The following LRIF1 variants were observed in gnomAD, a reference collection of about 807,000 sequenced individuals.
LRIF1 encodes ligand-dependent nuclear receptor-interacting factor 1.
In LRIF1, 32 loss-of-function variants were observed where a neutral mutation model predicts 52.7. The observed-to-expected ratio is 0.61, with a 90% CI of 0.46 to 0.82. The LOEUF (loss-of-function observed/expected upper bound fraction) is 0.82, where lower values mean the gene tolerates loss of function less well. Among genes scored for constraint, LRIF1 ranks in the 40% least tolerant of loss-of-function variants. The probability of loss-of-function intolerance (pLI) is 0.00; values close to 1 mark genes in which losing one functional copy is unlikely to be tolerated. For synonymous variants in LRIF1, 323 were observed against 317.4 expected (o/e 1.02, Z -0.19); for missense variants, 887 against 892.0 (o/e 0.99, Z 0.07).
chr1:110,952,964 A>G (rs1658546773), intron 1 of LRIF1, 149 bp from the exon 2 acceptor site: 1 of 352,458 alleles, frequency 2.8e-6, no homozygotes, highest in East Asian at 5.3e-5. Flanking sequence ...TGCAAAACAA[A>G]TATTTTGAAG....
intron 1 of LRIF1, among the ~76,000 whole-genome samples, chr1:110,954,606 T>C (rs959605027): frequency 2.0e-5 from 3 of 152,128 alleles, no homozygotes; most frequent in Non-Finnish European, 2.9e-5. Context: ...CTACCTTTAT[T>C]ACCTCCCTGC....
the LRIF1 span, among the ~76,000 whole-genome samples, chr1:110,918,998 G>A: frequency 6.6e-6 from 1 of 152,318 alleles, no homozygotes; most frequent in East Asian, 1.9e-4. Context: ...ACCTGAGTTA[G>A]ACATAGCTTA....
At chr1:110,879,346 G>T in the LRIF1 span, among the ~76,000 whole-genome samples, 4 of 152,112 alleles carry the variant, frequency 2.6e-5, no homozygotes, top group Non-Finnish European at 5.9e-5. Flanking sequence ...GTTGCCCAAG[G>T]TCACACTTCT....
At chr1:110,905,905 A>C in the LRIF1 span, among the ~76,000 whole-genome samples, 1 of 152,248 alleles carries the variant, frequency 6.6e-6, no homozygotes, top group Non-Finnish European at 1.5e-5. Flanking sequence ...AAGTTAAGGC[A>C]TAGAGGTTTT....
the LRIF1 span, among the ~76,000 whole-genome samples, chr1:110,928,186 T>C: frequency 1.3e-5 from 2 of 152,310 alleles, no homozygotes; most frequent in East Asian, 3.9e-4. Flanking sequence ...TGTCTAGATA[T>C]ACTGATATTA....
the LRIF1 span, among the ~76,000 whole-genome samples, chr1:110,926,851 C>T: frequency 7.2e-5 from 11 of 151,964 alleles, no homozygotes; most frequent in African/African-American, 2.2e-4. Context: ...AGGGTATCTG[C>T]GAAGATTTAT....
At chr1:110,882,050 T>C in the LRIF1 span, among the ~76,000 whole-genome samples, 1 of 152,230 alleles carries the variant, frequency 6.6e-6, no homozygotes, top group African/African-American at 2.4e-5. Context: ...GGAAATATTT[T>C]GTCCCTTCTG....
intron 3 of LRIF1, among the ~76,000 whole-genome samples, chr1:110,948,801 G>C (rs1658327646): frequency 6.6e-6 from 1 of 152,156 alleles, no homozygotes; most frequent in Admixed American, 6.5e-5. Flanking sequence ...AATATTACAT[G>C]ATAATGACAT....
the LRIF1 span, among the ~76,000 whole-genome samples, chr1:110,875,283 T>C: frequency 7.9e-5 from 12 of 152,262 alleles, no homozygotes; most frequent in East Asian, 2.3e-3. Flanking sequence ...CCCTTTCTCC[T>C]ACTTGGCACC....
At chr1:110,913,776 C>A in the LRIF1 span, among the ~76,000 whole-genome samples, 2 of 152,144 alleles carry the variant, frequency 1.3e-5, no homozygotes, top group African/African-American at 2.4e-5. Flanking sequence ...TTCGACCCAG[C>A]AATCCTATTA....
Position 110,951,694 on chromosome 1 carries a change from T to C in LRIF1, c.1190A>G (p.Gln397Arg). ...PDTPVRKDTL[Q>R]TVSSSPVTEI... The stretch of plus-strand genomic sequence containing the variant: ...TGTGACTGGACTTGAACTCACTGTC[T>C]GTAACGTGTCTTTTCTTACTGGAGT... The change falls in exon 2 of 4, where the codon CAG becomes CGG. Residue 397 changes from glutamine to arginine, a missense_variant. Coordinates refer to ENST00000369763, the MANE Select transcript of LRIF1 (RefSeq NM_018372.4). The C allele has an allele frequency of 1.9e-6, 3 of 1,614,068 alleles. No homozygotes were observed. Among genetic ancestry groups the C allele is most frequent in the Non-Finnish European group, 2.5e-6 (3 of 1,180,018 alleles).
chr1:110,883,108 A>T, the LRIF1 span, among the ~76,000 whole-genome samples: 3 of 151,984 alleles, frequency 2.0e-5, no homozygotes, highest in African/African-American at 7.2e-5. Context: ...AGAGTAGTTA[A>T]GAGTAAACAG....
the LRIF1 span, among the ~76,000 whole-genome samples, chr1:110,909,565 A>C: frequency 4.3e-5 from 6 of 139,582 alleles, no homozygotes; most frequent in African/African-American, 1.3e-4. Flanking sequence ...AAAAAAGGGC[A>C]GGGGTAGCTT....
At chr1:110,894,955 C>T in the LRIF1 span, 1 of 1,609,964 alleles carries the variant, frequency 6.2e-7, no homozygotes, top group African/African-American at 1.3e-5. Context: ...AATGTGCCTG[C>T]CCAGCTGAAT....
chr1:110,946,368 G>T (rs907695296), downstream of LRIF1, among the ~76,000 whole-genome samples: 1 of 152,136 alleles, frequency 6.6e-6, no homozygotes, highest in African/African-American at 2.4e-5. Flanking sequence ...TGGGTATAAG[G>T]TTTGTTTGGG....
intron 1 of LRIF1, among the ~76,000 whole-genome samples, chr1:110,962,009 A>G (rs1359498370): frequency 6.6e-6 from 1 of 151,918 alleles, no homozygotes; most frequent in Non-Finnish European, 1.5e-5. Context: ...TTTGTAATTT[A>G]AAAATCTCCA....
chr1:110,926,134 T>A, the LRIF1 span, among the ~76,000 whole-genome samples: 14,001 of 152,074 alleles, frequency 0.092, 745 homozygotes, highest in African/African-American at 0.15. Flanking sequence ...ATTGTGTATG[T>A]GTAAGACAAC....
chr1:110,902,961 C>T, the LRIF1 span, among the ~76,000 whole-genome samples: 11 of 152,182 alleles, frequency 7.2e-5, no homozygotes, highest in East Asian at 9.7e-4. Context: ...CTCTGGGTGC[C>T]GGGGGAGGGA....
At position 110,955,439 on chromosome 1, in the gene LRIF1, T is replaced by C. The variant is rs545823166; in HGVS notation, c.69-2624A>G. ...AATTTACTCAGCACACTAAAACTGATCTTTCCCTGCTTAAAACATTGCAGT... is the reference window on the plus strand; with the variant it reads ...AATTTACTCAGCACACTAAAACTGACCTTTCCCTGCTTAAAACATTGCAGT... On this transcript the variant is annotated intron_variant, in intron 1 of 3. Coordinates refer to ENST00000369763, the MANE Select transcript of LRIF1 (RefSeq NM_018372.4). Among the ~76,000 whole-genome samples, 8 of 152,348 alleles carry C rather than the reference T, an allele frequency of 5.3e-5. No individual in the cohort carries two copies. The South Asian group carries it at 1.7e-3, about 32-fold the overall frequency.
Sources: gnomAD v4.1 joint callset for allele counts (sites outside exome capture counted in the v4.1 genomes callset) on GRCh38, gnomAD v4.1.1 for gene constraint, MANE v1.5 for transcripts, NCBI Gene and HGNC (gene_info 2026-07-23, HGNC 2026-07-21) for gene names.